XKR9: variants seen among roughly 807,000 people sequenced by gnomAD.
The protein encoded by XKR9 is XK-related protein 9.
In XKR9, 32 loss-of-function variants were observed where a neutral mutation model predicts 32.0. The ratio of observed to expected loss-of-function variants is 1.00; its 90% CI spans 0.76 to 1.34. XKR9 has a LOEUF of 1.34. Among genes scored for constraint, XKR9 ranks in the 40% most tolerant of loss-of-function variants. The pLI is 0.00. For synonymous variants in XKR9, 168 were observed against 143.4 expected (o/e 1.17, Z -1.22); for missense variants, 546 against 429.7 (o/e 1.27, Z -2.39).
In XKR9 at chr8:70,733,714, A is replaced by C. The variant is rs560516093; in HGVS notation, c.494-82A>C. On this transcript the variant is annotated intron_variant, in intron 4 of 4. Transcript: ENST00000408926. ...GACGTGTTTGTGGGTGTGTGTATATAGATATAGCATGTATGGGATATAGTA... is the reference window on the plus strand; with the variant it reads ...GACGTGTTTGTGGGTGTGTGTATATCGATATAGCATGTATGGGATATAGTA... The C allele has an allele frequency of 3.9e-6, 5 of 1,290,436 alleles. No individual in the cohort carries two copies. The African/African-American group carries it at 7.5e-5, about 19-fold the overall frequency. 79.9% of individuals were successfully genotyped at this position (1,290,436 alleles called of 1,614,324 possible).
At chr8:71,004,648 G>A in the XKR9 span, among the ~76,000 whole-genome samples, 1 of 152,172 alleles carries the variant, frequency 6.6e-6, no homozygotes, top group Non-Finnish European at 1.5e-5. Context: ...AACGTGCCAT[G>A]GAAGACATCC....
chr8:70,964,328 T>C, the XKR9 span, among the ~76,000 whole-genome samples: 4 of 152,308 alleles, frequency 2.6e-5, no homozygotes, highest in South Asian at 8.3e-4. Flanking sequence ...GGTCTATGTG[T>C]CCATTTTTGT....
At chr8:70,728,471 T>A (rs1272042454) in intron 4 of XKR9, among the ~76,000 whole-genome samples, 1 of 152,168 alleles carries the variant, frequency 6.6e-6, no homozygotes, top group Non-Finnish European at 1.5e-5. Flanking sequence ...CATTTATAGT[T>A]TTAGTACAGC....
the XKR9 span, among the ~76,000 whole-genome samples, chr8:71,007,676 A>G: frequency 6.6e-6 from 1 of 152,124 alleles, no homozygotes; most frequent in Non-Finnish European, 1.5e-5. Context: ...AAGGATAAAA[A>G]TAGCTAAAGA....
intron 2 of XKR9, among the ~76,000 whole-genome samples, chr8:70,760,236 C>G (rs1393316388): frequency 6.6e-6 from 1 of 152,166 alleles, no homozygotes; most frequent in African/African-American, 2.4e-5. Flanking sequence ...ACAGTATTCT[C>G]AAACTACTTT....
At chr8:70,965,970 T>A in the XKR9 span, among the ~76,000 whole-genome samples, 1 of 152,146 alleles carries the variant, frequency 6.6e-6, no homozygotes, top group Admixed American at 6.5e-5. Flanking sequence ...TGGGGTTTGT[T>A]TGCTCTTGGT....
the XKR9 span, among the ~76,000 whole-genome samples, chr8:70,822,819 T>TA: frequency 6.6e-6 from 1 of 152,044 alleles, no homozygotes; most frequent in East Asian, 1.9e-4. Flanking sequence ...GCCAAGTTCC[T>TA]AAAAAACTCT....
chr8:71,022,951 T>A, the XKR9 span, among the ~76,000 whole-genome samples: 1 of 152,154 alleles, frequency 6.6e-6, no homozygotes, highest in African/African-American at 2.4e-5. Context: ...TTGTTTTTTT[T>A]TAATGATATC....
chr8:70,816,567 G>A, the XKR9 span, among the ~76,000 whole-genome samples: 1 of 152,210 alleles, frequency 6.6e-6, no homozygotes, highest in East Asian at 1.9e-4. Context: ...CATCACCAAG[G>A]CATGTAGTCA....
At chr8:70,840,053 G>A in the XKR9 span, among the ~76,000 whole-genome samples, 21 of 152,266 alleles carry the variant, frequency 1.4e-4, no homozygotes, top group African/African-American at 4.6e-4. Flanking sequence ...GGCTACTAGG[G>A]TGGGTACTTT....
the XKR9 span, among the ~76,000 whole-genome samples, chr8:70,845,642 AAC>A: frequency 6.6e-6 from 1 of 152,172 alleles, no homozygotes; most frequent in Non-Finnish European, 1.5e-5. Context: ...CAATGAATGA[AAC>A]AAAAAAGTCA....
the XKR9 span, among the ~76,000 whole-genome samples, chr8:70,958,146 G>A: frequency 2.6e-5 from 4 of 152,142 alleles, no homozygotes; most frequent in Non-Finnish European, 4.4e-5. Flanking sequence ...ATTGTGAATA[G>A]CGTTGCAATG....
chr8:70,806,888 C>T, the XKR9 span, among the ~76,000 whole-genome samples: 22 of 152,030 alleles, frequency 1.4e-4, no homozygotes, highest in Non-Finnish European at 1.8e-4. Context: ...CAAGACAGGC[C>T]AACATGGAAA....
chr8:71,004,134 G>A, the XKR9 span, among the ~76,000 whole-genome samples: 1 of 152,180 alleles, frequency 6.6e-6, no homozygotes, highest in East Asian at 1.9e-4. Flanking sequence ...ATCCCGTGGA[G>A]GACCATGTTG....
At chr8:71,007,526 A>G in the XKR9 span, among the ~76,000 whole-genome samples, 1 of 152,206 alleles carries the variant, frequency 6.6e-6, no homozygotes, top group African/African-American at 2.4e-5. Flanking sequence ...AAGAAACAAA[A>G]ACAGTGTGAG....
chr8:70,900,853 C>T, the XKR9 span, among the ~76,000 whole-genome samples: 1 of 152,100 alleles, frequency 6.6e-6, no homozygotes, highest in Non-Finnish European at 1.5e-5. Context: ...TATTCCCCAC[C>T]TGTGTCCAAG....
At chr8:70,935,564 A>T in the XKR9 span, among the ~76,000 whole-genome samples, 1 of 151,968 alleles carries the variant, frequency 6.6e-6, no homozygotes, top group African/African-American at 2.4e-5. Context: ...TTAATCACTG[A>T]CAATCTGCTG....
At chr8:70,933,417 G>A in the XKR9 span, among the ~76,000 whole-genome samples, 1 of 152,034 alleles carries the variant, frequency 6.6e-6, no homozygotes, top group Middle Eastern at 3.4e-3. Flanking sequence ...GTCAGAGTTG[G>A]AGATGAAGGG....
chr8:70,730,873 C>T (rs1806641798), intron 4 of XKR9, among the ~76,000 whole-genome samples: 1 of 152,268 alleles, frequency 6.6e-6, no homozygotes, highest in South Asian at 2.1e-4. Flanking sequence ...CTTAACTGCT[C>T]AAGATAATTT....
Sources: gnomAD v4.1 joint callset for allele counts (sites outside exome capture counted in the v4.1 genomes callset) on GRCh38, gnomAD v4.1.1 for gene constraint, MANE v1.5 for transcripts, NCBI Gene and HGNC (gene_info 2026-07-23, HGNC 2026-07-21) for gene names.